Variants in BDKRB2 observed in about 807,000 individuals in gnomAD.
BDKRB2 encodes the protein B2 bradykinin receptor.
In BDKRB2, 6 loss-of-function variants were observed where a neutral mutation model predicts 4.0. That is an observed-to-expected ratio of 1.49 (90% CI 0.81 to 2.93). The LOEUF (loss-of-function observed/expected upper bound fraction) is 2.93. BDKRB2 is among the 30% of genes most tolerant of loss of function. The pLI is 0.00. For missense variants in BDKRB2, 478 were observed against 520.1 expected (o/e 0.92, Z 0.79); for synonymous variants, 225 against 215.3 (o/e 1.05, Z -0.40).
intron 1 of BDKRB2, among the ~76,000 whole-genome samples, chr14:96,213,214 C>T (rs540597195): frequency 2.0e-4 from 31 of 152,304 alleles, no homozygotes; most frequent in Admixed American, 2.0e-3. Context: ...ACTCAGGAAG[C>T]TGGTTTATTC....
At chr14:96,239,853 T>G (rs1885225233) in intron 2 of BDKRB2, 2 of 985,472 alleles carry the variant, frequency 2.0e-6, no homozygotes, top group Non-Finnish European at 2.4e-6. Flanking sequence ...AGTGCTTTGC[T>G]GATAGAAGGT....
At chr14:96,213,534 G>T (rs1037388170) in intron 1 of BDKRB2, among the ~76,000 whole-genome samples, 1 of 114,054 alleles carries the variant, frequency 8.8e-6, no homozygotes, top group Non-Finnish European at 1.9e-5. Context: ...ACACACACAC[G>T]TGTACACACA....
chr14:96,207,284 A>G (rs1332010329), intron 1 of BDKRB2, among the ~76,000 whole-genome samples: 1 of 152,184 alleles, frequency 6.6e-6, no homozygotes, highest in African/African-American at 2.4e-5. Context: ...ATAAATAAAT[A>G]TTGCTCATAT....
intron 1 of BDKRB2, among the ~76,000 whole-genome samples, chr14:96,225,826 A>G (rs1186672066): frequency 4.6e-5 from 7 of 152,168 alleles, no homozygotes; most frequent in South Asian, 2.1e-4. Context: ...CTGGGTGGGA[A>G]GAAGGTCACA....
chr14:96,206,853 A>G (rs1261644159), intron 1 of BDKRB2, among the ~76,000 whole-genome samples: 1 of 152,014 alleles, frequency 6.6e-6, no homozygotes, highest in Non-Finnish European at 1.5e-5. Context: ...ACAGACATTT[A>G]TTGCTCTCGG....
At position 96,215,586 on chromosome 14, in the gene BDKRB2, C is replaced by G. The variant is rs905518099; in HGVS notation, c.-40+10627C>G. On this transcript the variant is annotated intron_variant, in intron 1 of 2. Transcript: ENST00000554311. ...CTAAACCCTCTCCTCCTGTCTGACC[C>G]TATTCAGAGAAGACATTGGAAGCTG... is the stretch of plus-strand genomic sequence containing the variant. 7.2e-5 allele frequency among the ~76,000 whole-genome samples: 11 copies of G among 152,270 alleles called. No individual in the cohort carries two copies. In the East Asian group the frequency reaches 2.1e-3, roughly 29 times the overall value.
intron 1 of BDKRB2, chr14:96,223,114 CACAA>C (rs1457967875): frequency 2.4e-6 from 3 of 1,264,856 alleles, no homozygotes; most frequent in Non-Finnish European, 3.5e-6. Context: ...GATCATGTCA[CACAA>C]ACAAATTCAC....
At chr14:96,240,079 C>T (rs987090305) in intron 2 of BDKRB2, 18 of 1,071,138 alleles carry the variant, frequency 1.7e-5, no homozygotes, top group African/African-American at 3.3e-5. Context: ...TGAATCCTCC[C>T]ATCACGGAAG....
intron 1 of BDKRB2, among the ~76,000 whole-genome samples, chr14:96,235,886 G>A (rs1027795955): frequency 6.6e-6 from 1 of 152,098 alleles, no homozygotes; most frequent in East Asian, 1.9e-4. Context: ...ACCCTTCCTA[G>A]ACAGGGGTCA....
chr14:96,233,460 C>G (rs567764284), intron 1 of BDKRB2: 6 of 152,456 alleles, frequency 3.9e-5, no homozygotes, highest in Admixed American at 3.3e-4. Flanking sequence ...TCAGTGTCCC[C>G]AGTGCTCGGA....
chr14:96,224,827 G>C (rs1221845072), intron 1 of BDKRB2, among the ~76,000 whole-genome samples: 1 of 152,170 alleles, frequency 6.6e-6, no homozygotes, highest in Non-Finnish European at 1.5e-5. Flanking sequence ...AATTCTGAAG[G>C]TTGACTCCCT....
At chr14:96,210,015 T>TC (rs199929519) in intron 1 of BDKRB2, among the ~76,000 whole-genome samples, 2,231 of 144,902 alleles carry the variant, frequency 0.015, 62 homozygotes, top group African/African-American at 0.054. Flanking sequence ...ATAATAATAA[T>TC]AATCATCATC....
At chr14:96,235,329 CAGAG>C (rs1297113825) in intron 1 of BDKRB2, among the ~76,000 whole-genome samples, 2 of 112,614 alleles carry the variant, frequency 1.8e-5, no homozygotes, top group African/African-American at 3.7e-5. Flanking sequence ...GCCTGGGTGA[CAGAG>C]AGAGACTCCG....
chr14:96,223,309 C>A, intron 1 of BDKRB2: 2 of 1,068,134 alleles, frequency 1.9e-6, no homozygotes, highest in Non-Finnish European at 1.5e-6. Context: ...TCACATCTTG[C>A]TGTTCCGGCG....
chr14:96,213,167 A>G lies in BDKRB2; in HGVS notation c.-40+8208A>G, dbSNP rs1179274734. On this transcript the variant is annotated intron_variant, in intron 1 of 2. Coordinates refer to ENST00000554311, the MANE Select transcript of BDKRB2 (RefSeq NM_001379692.1). ...TAAAGACTACTGCTGTGCCAACACA[A>G]TAGGACTGTGTATGAAAGTACCCAG... Among the ~76,000 whole-genome samples the G allele has an allele frequency of 2.6e-5, 4 of 152,238 alleles. No individual in the cohort carries two copies. In the East Asian group the frequency reaches 7.7e-4, roughly 29 times the overall value.
Position 96,237,153 on chromosome 14 carries a change from G to C in BDKRB2, c.46G>C (p.Asp16His). 6.2e-7 allele frequency: 1 copy of C among 1,614,090 alleles called. No individual in the cohort carries two copies. The highest frequency in any genetic ancestry group is 8.5e-7 in the Non-Finnish European group (1 of 1,179,934). Residue 16 changes from aspartate (D) to histidine (H), a missense_variant, in exon 2 of 3, where the codon GAC becomes CAC. Physicochemically the swap from Asp to His is moderately conservative, Grantham distance 81. Coordinates refer to ENST00000554311, the MANE Select transcript of BDKRB2 (RefSeq NM_001379692.1). ...ATCAATGTTTCTGTCTGTTCGTGAG[G>C]ACTCCGTGCCCACCACGGCCTCTTT... ...KISMFLSVRE[D>H]SVPTTASFSA...
rs1412643762 is a variant in BDKRB2, at chr14:96,240,638, C to T, written c.310C>T (p.Leu104=). 2.6e-6 allele frequency: 4 copies of T among 1,562,070 alleles called. No homozygotes were observed. The highest frequency in any genetic ancestry group is 1.2e-5 in the South Asian group (1 of 80,546). The change falls in exon 3 of 3, where the codon CTG becomes TTG. Residue 104 remains leucine (L), a synonymous_variant. Coordinates refer to ENST00000554311, the MANE Select transcript of BDKRB2 (RefSeq NM_001379692.1). ...IYLGNLAAAD[L]ILACGLPFWA... ...CCTGGGGAACCTGGCCGCAGCAGACCTGATCCTGGCCTGCGGGCTGCCCTT... is the reference window on the plus strand; with the variant it reads ...CCTGGGGAACCTGGCCGCAGCAGACTTGATCCTGGCCTGCGGGCTGCCCTT...
intron 1 of BDKRB2, among the ~76,000 whole-genome samples, chr14:96,222,332 G>C (rs4905469): frequency 6.6e-6 from 1 of 151,768 alleles, no homozygotes; most frequent in Non-Finnish European, 1.5e-5. Flanking sequence ...TTTGATGGAG[G>C]CTTCATCATA....
chr14:96,212,244 C>T (rs1212001045), intron 1 of BDKRB2, among the ~76,000 whole-genome samples: 3 of 152,182 alleles, frequency 2.0e-5, no homozygotes, highest in African/African-American at 4.8e-5. Flanking sequence ...AACACTGTTA[C>T]ATCAAAGAGA....
Sources: gnomAD v4.1 joint callset for allele counts (sites outside exome capture counted in the v4.1 genomes callset) on GRCh38, gnomAD v4.1.1 for gene constraint, MANE v1.5 for transcripts, NCBI Gene and HGNC (gene_info 2026-07-23, HGNC 2026-07-21) for gene names.